Variants in KCNC3 observed in about 807,000 individuals in gnomAD.
KCNC3 encodes the protein voltage-gated potassium channel KCNC3.
Under a neutral mutation model 43.9 loss-of-function variants are expected in KCNC3, and 22 were observed. That is an observed-to-expected ratio of 0.50 (90% confidence interval 0.36 to 0.72). The LOEUF (loss-of-function observed/expected upper bound fraction) is 0.72, where lower values mean the gene tolerates loss of function less well. Among genes scored for constraint, KCNC3 ranks in the 30% least tolerant of loss-of-function variants. KCNC3 has a pLI of 0.00. For missense variants in KCNC3, 829 were observed against 1,073.8 expected (o/e 0.77, Z 3.19); for synonymous variants, 492 against 488.0 (o/e 1.01, Z -0.11).
In KCNC3 at chr19:50,323,585, G is replaced by A. The variant is rs1425139375; in HGVS notation, c.1368C>T (p.Ala456=). ...NEFLLLIIFL[A]LGVLIFATMI... Reference sequence around the variant, plus strand: ...TGGTGGCGAAGATGAGCACCCCCAGGGCCAGGAAGATGATGAGCAGCAGGA... The same window carrying A: ...TGGTGGCGAAGATGAGCACCCCCAGAGCCAGGAAGATGATGAGCAGCAGGA... Residue 456 remains alanine, a synonymous_variant, in exon 2 of 5, where the codon GCC becomes GCT. Coordinates refer to ENST00000477616, the MANE Select transcript of KCNC3 (RefSeq NM_004977.3). The A allele has an allele frequency of 1.2e-6, 2 of 1,614,138 alleles. No individual in the cohort carries two copies. Among genetic ancestry groups the A allele is most frequent in the African/African-American group, 1.3e-5 (1 of 74,956 alleles).
intron 2 of KCNC3, 63 bp downstream of exon 2, chr19:50,322,912 G>C: frequency 6.7e-7 from 1 of 1,499,602 alleles, no homozygotes; most frequent in Non-Finnish European, 8.9e-7. Context: ...AACCCCGGCA[G>C]CTACCTCCCC....
chr19:50,328,029 G>A (rs1041823077), intron 1 of KCNC3, among the ~76,000 whole-genome samples, 184 bp downstream of exon 1: 19 of 151,108 alleles, frequency 1.3e-4, no homozygotes, highest in Non-Finnish European at 2.1e-4. Context: ...GAGGATCTGG[G>A]GGATGGCTGC....
rs1440258545 is a variant in KCNC3, at chr19:50,329,366, G to GGC, written c.-286_-285dup. On this transcript the variant is annotated 5_prime_UTR_variant, in exon 1 of 5. Coordinates refer to ENST00000477616, the MANE Select transcript of KCNC3 (RefSeq NM_004977.3). ...AGGGGCGGGGCGGGGCGTCAAGGGA[G>GGC]GCGGGACCGGTTACTACTAATTGTG... 5.1e-6 allele frequency: 1 copy of GGC among 195,808 alleles called. No homozygotes were observed. Among genetic ancestry groups the GGC allele is most frequent in the Non-Finnish European group, 1.0e-5 (1 of 95,884 alleles). 12.1% of individuals were successfully genotyped at this position (195,808 alleles called of 1,614,324 possible). A position where few individuals can be genotyped will look rare whatever the true frequency, so the allele number is the denominator to read the frequency against.
chr19:50,314,618 CTTTTTTTGGGGAGGGA>C lies in KCNC3; in HGVS notation c.*1481_*1496del, dbSNP rs1276193515. 3.0e-6 allele frequency: 1 copy of C among 330,470 alleles called. No individual in the cohort carries two copies. The highest frequency in any genetic ancestry group is 1.2e-4 in the East Asian group (1 of 8,636). The allele number at this position is 330,470 out of a possible 1,614,324, so 20.5% of individuals were successfully genotyped here. A position where few individuals can be genotyped will look rare whatever the true frequency, so the allele number is the denominator to read the frequency against. ...TATGGCTCGTGGAGACCTGAGAAGG[CTTTTTTTGGGGAGGGA>C]AGAGTTGGGGGGACGGGCTGTGGCC... On this transcript the variant is annotated 3_prime_UTR_variant, in exon 5 of 5. Transcript: ENST00000477616.
At chr19:50,318,248 C>T (rs1233030276) in intron 4 of KCNC3, among the ~76,000 whole-genome samples, 2 of 151,096 alleles carry the variant, frequency 1.3e-5, no homozygotes, top group African/African-American at 4.9e-5. Flanking sequence ...GATCTTGGCT[C>T]ACTGCAACCT....
Position 50,324,191 on chromosome 19 carries a change from A to G in KCNC3, c.871-109T>C. 9.2e-7 allele frequency: 1 copy of G among 1,090,586 alleles called. No homozygotes were observed. The highest frequency in any genetic ancestry group is 1.3e-6 in the Non-Finnish European group (1 of 777,650). The allele number at this position is 1,090,586 out of a possible 1,614,324, so 67.6% of individuals were successfully genotyped here. On this transcript the variant is annotated intron_variant, in intron 1 of 4. Transcript: ENST00000477616. The surrounding 1 kb of genome is among the most constrained non-coding windows in gnomAD (Gnocchi z 4.1). ...CCCCTTCCCCAGCCTCCTGGGCCCA[A>G]ACTCTGGGCAAAATCCAGGTGTCTC...
In KCNC3 at chr19:50,328,933, C is replaced by G. The variant is rs915888176; in HGVS notation, c.150G>C (p.Ala50=). The G allele has an allele frequency of 2.9e-5, 24 of 819,092 alleles. No homozygotes were observed. Among genetic ancestry groups the G allele is most frequent in the Non-Finnish European group, 3.5e-5 (24 of 679,740 alleles). The allele number at this position is 819,092 out of a possible 1,614,324, so 50.7% of individuals were successfully genotyped here. Reference sequence around the variant, plus strand: ...GGGGTGCCGGGGGGCCCGCCGGGGACGCGGCGGGGCCGGGCTGCGCAGGCT... The same window carrying G: ...GGGGTGCCGGGGGGCCCGCCGGGGAGGCGGCGGGGCCGGGCTGCGCAGGCT... ...QQQPAQPGPA[A]SPAGPPAPRG... is the part of the protein sequence containing the mutation. The change falls in exon 1 of 5, where the codon GCG becomes GCC. Residue 50 remains alanine (A), a synonymous_variant. Coordinates refer to ENST00000477616, the MANE Select transcript of KCNC3 (RefSeq NM_004977.3).
Position 50,323,240 on chromosome 19 carries a change from C to T in KCNC3, c.1713G>A (p.Ser571=), listed in dbSNP as rs545894843. 72 of 1,587,022 alleles carry T rather than the reference C, an allele frequency of 4.5e-5. No individual in the cohort carries two copies. The highest frequency in any genetic ancestry group is 1.2e-4 in the African/African-American group (9 of 74,728). The change falls in exon 2 of 5, where the codon TCG becomes TCA. Residue 571 remains serine (S), a synonymous_variant. Transcript: ENST00000477616. ...GTGGGTCAGGCTTGCAGTAGTTGGGCGAGCCCGGTTGCGGGGGCCGGGGGA... is the reference window on the plus strand; with the variant it reads ...GTGGGTCAGGCTTGCAGTAGTTGGGTGAGCCCGGTTGCGGGGGCCGGGGGA... ...KHIPRPPQPG[S]PNYCKPDPPP...
chr19:50,324,132 G>A lies in KCNC3; in HGVS notation c.871-50C>T, dbSNP rs766563437. ...GGGGGAGAGGTGACCTAGGCATCAGGTTGGCCATAACATCCAGAAGACCCT... is the reference window on the plus strand; with the variant it reads ...GGGGGAGAGGTGACCTAGGCATCAGATTGGCCATAACATCCAGAAGACCCT... On this transcript the variant is annotated intron_variant, in intron 1 of 4. Coordinates refer to ENST00000477616, the MANE Select transcript of KCNC3 (RefSeq NM_004977.3). This position sits in a 1 kb window ranked among gnomAD's most constrained non-coding sequence, Gnocchi z 4.1. 3 of 1,531,896 alleles carry A rather than the reference G, an allele frequency of 2.0e-6. No homozygotes were observed. Among genetic ancestry groups the A allele is most frequent in the South Asian group, 2.6e-5 (2 of 78,088 alleles). The allele number at this position is 1,531,896 out of a possible 1,614,324, so 94.9% of individuals were successfully genotyped here.
At chr19:50,321,866 A>G (rs11666146) in intron 2 of KCNC3, among the ~76,000 whole-genome samples, 122,730 of 150,610 alleles carry the variant, frequency 0.81, 50,401 homozygotes, top group East Asian at 0.99. Flanking sequence ...TGGCTGGAGC[A>G]AACTTCAGGG....
At chr19:50,322,836 C>T (rs1024189911) in intron 2 of KCNC3, 139 bp downstream of exon 2, 8 of 782,804 alleles carry the variant, frequency 1.0e-5, no homozygotes, top group Non-Finnish European at 1.0e-5. Context: ...TCCTTCTTCG[C>T]CTGAGCTCCT....
intron 2 of KCNC3, among the ~76,000 whole-genome samples, chr19:50,322,161 C>G (rs1006309481): frequency 4.0e-5 from 6 of 151,816 alleles, no homozygotes; most frequent in East Asian, 1.9e-4. Context: ...CAGGGGGGGG[C>G]CACCAGCCTC....
At chr19:50,317,954 C>T (rs1255614565) in intron 4 of KCNC3, among the ~76,000 whole-genome samples, 1 of 152,094 alleles carries the variant, frequency 6.6e-6, no homozygotes, top group Non-Finnish European at 1.5e-5. Context: ...CATGCACCAC[C>T]ACACCTAAGT....
chr19:50,323,695 G>A lies in KCNC3; in HGVS notation c.1258C>T (p.Arg420Cys), dbSNP rs1338146006. The A allele has an allele frequency of 1.2e-6, 2 of 1,614,182 alleles. No homozygotes were observed. Among genetic ancestry groups the A allele is most frequent in the African/African-American group, 1.3e-5 (1 of 75,060 alleles). Residue 420 changes from arginine to cysteine, a missense_variant, in exon 2 of 5, where the codon CGC becomes TGC. Physicochemically the swap from Arg to Cys is radical, Grantham distance 180. Around this residue, in one of 7 missense-constraint regions of KCNC3, gnomAD observed 157 missense variants for 293.5 expected, o/e 0.53. Coordinates refer to ENST00000477616, the MANE Select transcript of KCNC3 (RefSeq NM_004977.3). ...GTCAGCTTGAAGATGCGCAGGATGC[G>A]GACGAAGCGGACCACCCGCAGGAAG... ...LGFLRVVRFV[R>C]ILRIFKLTRH... is the part of the protein sequence containing the mutation.
Position 50,323,209 on chromosome 19 carries a change from G to T in KCNC3, c.1744C>A (p.Pro582Thr). ...PNYCKPDPPP[P>T]PPPHPHHGSG... The stretch of plus-strand genomic sequence containing the variant: ...CCGTGGTGCGGGTGGGGCGGGGGTG[G>T]CGGGGGTGGGTCAGGCTTGCAGTAG... The change falls in exon 2 of 5, where the codon CCA becomes ACA. Residue 582 changes from proline (P) to threonine (T), a missense_variant. This residue lies in a region of KCNC3 where 308 missense variants were observed against 276.2 expected (regional missense o/e 1.11). Transcript: ENST00000477616. 1 of 1,529,796 alleles carries T rather than the reference G, an allele frequency of 6.5e-7. No homozygotes were observed. Among genetic ancestry groups the T allele is most frequent in the Non-Finnish European group, 8.8e-7 (1 of 1,141,494 alleles). The allele number at this position is 1,529,796 out of a possible 1,614,324, so 94.8% of individuals were successfully genotyped here.
At chr19:50,321,496 G>A (rs10853813) in intron 2 of KCNC3, among the ~76,000 whole-genome samples, 78,750 of 151,812 alleles carry the variant, frequency 0.52, 20,697 homozygotes, top group Admixed American at 0.53. Flanking sequence ...GATGCCAGGC[G>A]TGGTGGCTTA....
Position 50,316,004 on chromosome 19 carries a change from C to T in KCNC3, c.*111G>A. On this transcript the variant is annotated 3_prime_UTR_variant, in exon 5 of 5. Coordinates refer to ENST00000477616, the MANE Select transcript of KCNC3 (RefSeq NM_004977.3). ...TTTGAAGCCCAGTGTCTTGGGGACA[C>T]CCCCTCCCAGCCATTCCCAATTGCT... 2.6e-6 allele frequency: 1 copy of T among 389,378 alleles called. No homozygotes were observed. Among genetic ancestry groups the T allele is most frequent in the Non-Finnish European group, 4.8e-6 (1 of 209,734 alleles). The allele number at this position is 389,378 out of a possible 1,614,324, so 24.1% of individuals were successfully genotyped here.
intron 1 of KCNC3, 56 bp downstream of exon 1, chr19:50,328,137 TGGGGCGCTCCTGGGAGACTG>T (rs1601102203): frequency 2.3e-6 from 2 of 853,254 alleles, no homozygotes; most frequent in East Asian, 3.2e-4. Flanking sequence ...GGGTTGGAGC[TGGGGCGCTCCTGGGAGACTG>T]GGGGCGCCTG....
chr19:50,323,127 A>G lies in KCNC3; in HGVS notation c.1826T>C (p.Val609Ala). The G allele has an allele frequency of 6.5e-7, 1 of 1,536,202 alleles. No individual in the cohort carries two copies. Among genetic ancestry groups the G allele is most frequent in the Non-Finnish European group, 8.7e-7 (1 of 1,144,616 alleles). Residue 609 changes from valine (V) to alanine (A), a missense_variant, in exon 2 of 5, where the codon GTG (valine) becomes GCG (alanine). This residue lies in a region of KCNC3 where 308 missense variants were observed against 276.2 expected (regional missense o/e 1.11). Coordinates refer to ENST00000477616, the MANE Select transcript of KCNC3 (RefSeq NM_004977.3). ...PITPPSMGVTVAGAYPAGPHT... is the reference protein window; with the variant it reads ...PITPPSMGVTAAGAYPAGPHT... ...GGGCCCCGCTGGGTAGGCCCCGGCC[A>G]CAGTCACCCCCATGGAGGGTGGGGT...
Sources: allele counts gnomAD v4.1 joint callset (sites outside exome capture counted in the v4.1 genomes callset), GRCh38; gene constraint gnomAD v4.1.1; regional missense constraint gnomAD v4.1.1; non-coding constraint Gnocchi (gnomAD v3.1); transcripts MANE v1.5; gene names NCBI Gene and HGNC (gene_info 2026-07-23, HGNC 2026-07-21).